Variants in GALNTL6 observed in about 807,000 individuals in gnomAD.
The protein encoded by GALNTL6 is polypeptide N-acetylgalactosaminyltransferase like 6.
GALNTL6 carries 46 observed loss-of-function variants against 73.7 expected under a neutral mutation model. That is an observed-to-expected ratio of 0.62 (90% CI 0.49 to 0.80). The LOEUF (loss-of-function observed/expected upper bound fraction) is 0.80, where lower values mean the gene tolerates loss of function less well. Ranked by LOEUF, GALNTL6 falls within the 30% of genes least tolerant of loss-of-function variation. The pLI, the probability that GALNTL6 is intolerant of heterozygous loss-of-function variation, is 0.00. For missense variants in GALNTL6, 604 were observed against 755.0 expected (o/e 0.80, Z 2.34); for synonymous variants, 259 against 263.7 (o/e 0.98, Z 0.17).
At chr4:172,669,893 C>T (rs116454262) in intron 5 of GALNTL6, among the ~76,000 whole-genome samples, 3 of 152,294 alleles carry the variant, frequency 2.0e-5, no homozygotes, top group Non-Finnish European at 4.4e-5. Context: ...TCATTTAGCT[C>T]CCTCTAATAA....
intron 2 of GALNTL6, among the ~76,000 whole-genome samples, chr4:171,945,330 G>C (rs1004761159): frequency 6.6e-6 from 1 of 151,972 alleles, no homozygotes; most frequent in Non-Finnish European, 1.5e-5. Context: ...AGCTACTTGT[G>C]GGGATATTAT....
chr4:172,910,159 A>G (rs1248213615), intron 8 of GALNTL6, among the ~76,000 whole-genome samples: 2 of 152,238 alleles, frequency 1.3e-5, no homozygotes, highest in South Asian at 4.1e-4. Flanking sequence ...TTTCATATGC[A>G]GACAATATTC....
rs1579442761 is a variant in GALNTL6 at position 172,757,548 on chromosome 4, T to C, written c.554-51813T>C. Among the ~76,000 whole-genome samples the C allele has an allele frequency of 2.0e-5, 3 of 152,320 alleles. No individual in the cohort carries two copies. The South Asian group carries it at 6.2e-4, about 32-fold the overall frequency. The stretch of plus-strand genomic sequence containing the variant: ...ATAAGGAAACATTAAAATCAGAACT[T>C]GAACTCCTCTGTCTCAACTTCCAGT... On this transcript the variant is annotated intron_variant, in intron 5 of 12. Transcript: ENST00000506823.
intron 5 of GALNTL6, among the ~76,000 whole-genome samples, chr4:172,366,448 C>G (rs955123616): frequency 6.6e-6 from 1 of 151,810 alleles, no homozygotes; most frequent in African/African-American, 2.4e-5. Context: ...AATTTTATTC[C>G]TTCTCTTGGA....
intron 5 of GALNTL6, among the ~76,000 whole-genome samples, chr4:172,695,989 C>T (rs2111272627): frequency 6.6e-6 from 1 of 152,154 alleles, no homozygotes; most frequent in Middle Eastern, 3.4e-3. Context: ...GAAAATCTTC[C>T]CAAGTCATTA....
chr4:172,312,745 A>G (rs1352101230), intron 4 of GALNTL6, among the ~76,000 whole-genome samples: 1 of 152,206 alleles, frequency 6.6e-6, no homozygotes, highest in Non-Finnish European at 1.5e-5. Flanking sequence ...TCAGTACATT[A>G]TGGTTTGAAG....
chr4:172,657,555 A>G (rs1231362329), intron 5 of GALNTL6, among the ~76,000 whole-genome samples: 2 of 152,206 alleles, frequency 1.3e-5, no homozygotes, highest in Non-Finnish European at 2.9e-5. Context: ...TTAGAATTAG[A>G]TAGAATTTTT....
In GALNTL6 at chr4:172,329,849, C is replaced by A. The variant is rs186881146; in HGVS notation, c.386+18097C>A. Among the ~76,000 whole-genome samples, 8 of 152,186 alleles carry A rather than the reference C, an allele frequency of 5.3e-5. No individual in the cohort carries two copies. In the East Asian group the frequency reaches 1.5e-3, roughly 29 times the overall value. The stretch of plus-strand genomic sequence containing the variant: ...AACACTGGCAAGGGTGGCTAGTGAC[C>A]CCAGCCAGGAGGTCCCACTTACTGA... On this transcript the variant is annotated intron_variant, in intron 4 of 12. Transcript: ENST00000506823.
rs1579331646 is a variant in GALNTL6 at position 172,284,053 on chromosome 4, G to A, written c.248-27561G>A. ...ATCTTTGGAAAATATGAGTGAAGGT[G>A]GAATTTGAAATGCTAAATTTGCTAT... On this transcript the variant is annotated intron_variant, in intron 3 of 12. Coordinates refer to ENST00000506823, the MANE Select transcript of GALNTL6 (RefSeq NM_001034845.3). Among the ~76,000 whole-genome samples the A allele has an allele frequency of 2.0e-5, 3 of 152,106 alleles. No individual in the cohort carries two copies. In the South Asian group the frequency reaches 6.2e-4, roughly 32 times the overall value.
At chr4:172,907,612 G>T (rs993139351) in intron 8 of GALNTL6, among the ~76,000 whole-genome samples, 1 of 152,146 alleles carries the variant, frequency 6.6e-6, no homozygotes, top group African/African-American at 2.4e-5. Flanking sequence ...GACCCCAAAT[G>T]GATGCCTGAA....
rs149219046 is a variant in GALNTL6 at position 172,312,682 on chromosome 4, G to A, written c.386+930G>A. ...CTAAATTAAACCAGTAATTTAAAGC[G>A]AATAAAACTCCTTAACTTTGTGCAA... is the stretch of plus-strand genomic sequence containing the variant. On this transcript the variant is annotated intron_variant, in intron 4 of 12. Transcript: ENST00000506823. 2.5e-3 allele frequency among the ~76,000 whole-genome samples: 386 copies of A among 152,130 alleles called. 1 individual carries two copies. The highest frequency in any genetic ancestry group is 4.4e-3 in the Non-Finnish European group (296 of 67,980).
At chr4:172,730,665 C>T (rs531157126) in intron 5 of GALNTL6, among the ~76,000 whole-genome samples, 19 of 152,172 alleles carry the variant, frequency 1.2e-4, no homozygotes, top group African/African-American at 3.6e-4. Context: ...TGTTCTTCAG[C>T]GATATTGGCC....
intron 2 of GALNTL6, among the ~76,000 whole-genome samples, chr4:172,092,315 T>C (rs910540907): frequency 2.0e-5 from 3 of 152,090 alleles, no homozygotes; most frequent in Admixed American, 6.6e-5. Flanking sequence ...TTTAAGAATC[T>C]CAAACAAATT....
At chr4:172,101,918 A>G (rs536314832) in intron 2 of GALNTL6, among the ~76,000 whole-genome samples, 1 of 152,264 alleles carries the variant, frequency 6.6e-6, no homozygotes, top group Admixed American at 6.5e-5. Context: ...AATTAAAAAT[A>G]TAATTAAAAA....
At chr4:172,046,927 G>C (rs1168160128) in intron 2 of GALNTL6, among the ~76,000 whole-genome samples, 1 of 151,992 alleles carries the variant, frequency 6.6e-6, no homozygotes. Flanking sequence ...CATCTACTTT[G>C]TGTTATGTAT....
At chr4:172,016,119 G>A (rs911499583) in intron 2 of GALNTL6, among the ~76,000 whole-genome samples, 1 of 151,436 alleles carries the variant, frequency 6.6e-6, no homozygotes, top group African/African-American at 2.4e-5. Context: ...CTCTAGGAAG[G>A]CCAGGGAAGT....
intron 2 of GALNTL6, among the ~76,000 whole-genome samples, chr4:172,147,771 T>A (rs1451027423): frequency 6.6e-6 from 1 of 152,088 alleles, no homozygotes; most frequent in Non-Finnish European, 1.5e-5. Context: ...ATAATACTGA[T>A]CCCTTGGGTG....
chr4:172,787,526 G>A (rs1418270516), intron 5 of GALNTL6, among the ~76,000 whole-genome samples: 1 of 152,172 alleles, frequency 6.6e-6, no homozygotes, highest in African/African-American at 2.4e-5. Context: ...AAAACTAGTA[G>A]CCATTTGGTC....
At chr4:172,920,737 C>T (rs1747748941) in intron 8 of GALNTL6, among the ~76,000 whole-genome samples, 1 of 152,120 alleles carries the variant, frequency 6.6e-6, no homozygotes, top group African/African-American at 2.4e-5. Context: ...TTTTTAATGG[C>T]AGCTAGCTAC....
Sources: allele counts gnomAD v4.1 joint callset (sites outside exome capture counted in the v4.1 genomes callset), GRCh38; gene constraint gnomAD v4.1.1; transcripts MANE v1.5; gene names NCBI Gene and HGNC (gene_info 2026-07-23, HGNC 2026-07-21).